MOB3B: variants seen among roughly 807,000 people sequenced by gnomAD.
MOB3B encodes MOB kinase activator-like 2B.
Under a neutral mutation model 18.7 loss-of-function variants are expected in MOB3B, and 7 were observed. That is an observed-to-expected ratio of 0.37 (90% CI 0.21 to 0.70). The LOEUF (loss-of-function observed/expected upper bound fraction) is 0.70. Among genes scored for constraint, MOB3B ranks in the 30% least tolerant of loss-of-function variants. MOB3B has a pLI of 0.52. For missense variants in MOB3B, 253 were observed against 281.3 expected, an observed-to-expected ratio of 0.90 and a Z score of 0.72; for synonymous variants, 111 against 99.9, an observed-to-expected ratio of 1.11 and a Z score of -0.66.
chr9:27,441,402 G>A (rs1403774163), intron 2 of MOB3B, among the ~76,000 whole-genome samples: 1 of 151,980 alleles, frequency 6.6e-6, no homozygotes, highest in Non-Finnish European at 1.5e-5. Flanking sequence ...TATCTGAATT[G>A]CTGGCATCAC....
At chr9:27,498,032 T>C (rs1164373246) in intron 1 of MOB3B, among the ~76,000 whole-genome samples, 3 of 152,148 alleles carry the variant, frequency 2.0e-5, no homozygotes, top group Admixed American at 6.6e-5. Context: ...AGCAGGATAA[T>C]AGAAGAGGGA....
rs539444016 is a variant in MOB3B at position 27,427,192 on chromosome 9, T to C, written c.418+27941A>G. 2.6e-5 allele frequency among the ~76,000 whole-genome samples: 4 copies of C among 152,212 alleles called. No individual in the cohort carries two copies. The East Asian group carries it at 5.8e-4, about 22-fold the overall frequency. On this transcript the variant is annotated intron_variant, in intron 2 of 3. Coordinates refer to ENST00000262244, the MANE Select transcript of MOB3B (RefSeq NM_024761.5). The stretch of plus-strand genomic sequence containing the variant: ...AAAGCAGTGCTAGTTCCATTTTTTT[T>C]CCCACCCACCAGAAGGCCAGGGCTA...
intron 1 of MOB3B, among the ~76,000 whole-genome samples, chr9:27,493,923 C>A (rs1819859956): frequency 6.6e-6 from 1 of 152,148 alleles, no homozygotes. Flanking sequence ...CAGAACAGAG[C>A]CATTTTTCTC....
At chr9:27,470,735 AC>A (rs749345008) in intron 1 of MOB3B, among the ~76,000 whole-genome samples, 6 of 151,898 alleles carry the variant, frequency 4.0e-5, no homozygotes, top group Non-Finnish European at 5.9e-5. Context: ...GGTTCAGCCT[AC>A]CCCTTCCCCT....
intron 2 of MOB3B, among the ~76,000 whole-genome samples, chr9:27,417,066 T>C (rs1425799114): frequency 1.3e-5 from 2 of 152,258 alleles, no homozygotes; most frequent in Admixed American, 6.5e-5. Flanking sequence ...TGTATTACTT[T>C]TAAAACTCAA....
At chr9:27,411,405 C>A (rs938792894) in intron 2 of MOB3B, among the ~76,000 whole-genome samples, 1 of 152,212 alleles carries the variant, frequency 6.6e-6, no homozygotes, top group Non-Finnish European at 1.5e-5. Flanking sequence ...GTACCAATTT[C>A]TTGGGATTAC....
intron 3 of MOB3B, among the ~76,000 whole-genome samples, chr9:27,339,256 A>G (rs1472460197): frequency 6.6e-6 from 1 of 152,160 alleles, no homozygotes; most frequent in African/African-American, 2.4e-5. Flanking sequence ...AGGCCTAAAC[A>G]TTTTTTTAGG....
chr9:27,405,404 C>G (rs1016267016), intron 2 of MOB3B, among the ~76,000 whole-genome samples: 1 of 152,088 alleles, frequency 6.6e-6, no homozygotes, highest in East Asian at 1.9e-4. Flanking sequence ...CCACGCCCAA[C>G]CTGTCCATTT....
chr9:27,454,205 T>C (rs1020914760), intron 2 of MOB3B, among the ~76,000 whole-genome samples: 1 of 152,248 alleles, frequency 6.6e-6, no homozygotes, highest in East Asian at 1.9e-4. Flanking sequence ...CCTACCCCAA[T>C]CTAGAGGTGA....
At chr9:27,437,427 T>A (rs192938721) in intron 2 of MOB3B, among the ~76,000 whole-genome samples, 22 of 152,342 alleles carry the variant, frequency 1.4e-4, no homozygotes, top group Non-Finnish European at 3.1e-4. Context: ...TTTCAAGTCC[T>A]ACTAATGACA....
At chr9:27,526,709 T>C (rs752168244) in intron 1 of MOB3B, among the ~76,000 whole-genome samples, 1 of 152,008 alleles carries the variant, frequency 6.6e-6, no homozygotes, top group Non-Finnish European at 1.5e-5. Flanking sequence ...ACATCTCCAC[T>C]GGAAAAAAGG....
chr9:27,464,040 G>T (rs1356877675), intron 1 of MOB3B, among the ~76,000 whole-genome samples: 1 of 152,184 alleles, frequency 6.6e-6, no homozygotes, highest in African/African-American at 2.4e-5. Flanking sequence ...AAAATTAGAA[G>T]AGATATTGCC....
At chr9:27,524,650 A>G in intron 1 of MOB3B, 1 of 1,614,112 alleles carries the variant, frequency 6.2e-7, no homozygotes. Context: ...ACCTTCAAAT[A>G]TTGGAAAGAG....
At chr9:27,500,236 C>T (rs192343120) in intron 1 of MOB3B, among the ~76,000 whole-genome samples, 53 of 152,150 alleles carry the variant, frequency 3.5e-4, no homozygotes, top group Non-Finnish European at 1.2e-4. Flanking sequence ...GTGGGGAGAA[C>T]CCTGTGACTT....
intron 3 of MOB3B, among the ~76,000 whole-genome samples, chr9:27,343,665 CT>C (rs1480188501): frequency 4.7e-5 from 7 of 148,670 alleles, no homozygotes; most frequent in Non-Finnish European, 1.0e-4. Flanking sequence ...CCTTCCTCAC[CT>C]GTTCGTCTTT....
intron 2 of MOB3B, among the ~76,000 whole-genome samples, chr9:27,410,787 A>C (rs1181711420): frequency 6.6e-6 from 1 of 152,182 alleles, no homozygotes; most frequent in Non-Finnish European, 1.5e-5. Flanking sequence ...AATAATGCTC[A>C]CTGTAGAAAA....
intron 2 of MOB3B, among the ~76,000 whole-genome samples, chr9:27,408,135 C>T (rs182033255): frequency 3.3e-5 from 5 of 152,218 alleles, no homozygotes; most frequent in East Asian, 3.9e-4. Flanking sequence ...CATGTGCCTC[C>T]GAAATAATGT....
At chr9:27,336,573 C>T (rs570585719) in intron 3 of MOB3B, among the ~76,000 whole-genome samples, 60 of 152,210 alleles carry the variant, frequency 3.9e-4, no homozygotes, top group African/African-American at 1.4e-3. Flanking sequence ...ACTCCTGCCC[C>T]TAGTAACCAC....
intron 1 of MOB3B, among the ~76,000 whole-genome samples, chr9:27,502,743 T>A (rs546218918): frequency 6.6e-6 from 1 of 152,364 alleles, no homozygotes; most frequent in East Asian, 1.9e-4. Context: ...TTTTGTCATG[T>A]GGCCTCCAAG....
Sources: allele counts gnomAD v4.1 joint callset (sites outside exome capture counted in the v4.1 genomes callset), GRCh38; gene constraint gnomAD v4.1.1; transcripts MANE v1.5; gene names NCBI Gene and HGNC (gene_info 2026-07-23, HGNC 2026-07-21).